Variants in ZXDC observed in about 807,000 individuals in gnomAD.
The protein encoded by ZXDC is ZXD family zinc finger C, also known as zinc finger protein ZXDC.
In ZXDC, 58 loss-of-function variants were observed where a neutral mutation model predicts 63.6. That is an observed-to-expected ratio of 0.91 (90% CI 0.74 to 1.13). The LOEUF (loss-of-function observed/expected upper bound fraction) is 1.13. ZXDC is among the 50% of genes most tolerant of loss of function. ZXDC has a pLI of 0.00. For synonymous variants in ZXDC, 561 were observed against 496.1 expected, an observed-to-expected ratio of 1.13 and a Z score of -1.74; for missense variants, 1,133 against 1,148.9, an observed-to-expected ratio of 0.99 and a Z score of 0.20.
At position 126,462,078 on chromosome 3, in the gene ZXDC, C is replaced by G. The variant is rs1934574498; in HGVS notation, c.1584G>C (p.Gly528=). 1.9e-6 allele frequency: 3 copies of G among 1,614,012 alleles called. No individual in the cohort carries two copies. The highest frequency in any genetic ancestry group is 1.7e-5 in the Admixed American group (1 of 60,010). ...TPANASGSAG[G]SDEALNSGIL... ...TTCCGGAGTTCAGAGCCTCATCCGA[C>G]CCACCTGCAGAACCACTAGCATTGG... The change falls in exon 6 of 10, where the codon GGG becomes GGC. Residue 528 remains glycine (G), a synonymous_variant. Transcript: ENST00000389709.
intron 7 of ZXDC, chr3:126,452,381 A>C: frequency 1.0e-6 from 1 of 985,414 alleles, no homozygotes; most frequent in Non-Finnish European, 1.2e-6. Context: ...CACGTCTGTC[A>C]GCCAAGCCTG....
chr3:126,460,673 G>T lies in ZXDC; in HGVS notation c.2127+862C>A, dbSNP rs992876620. The T allele has an allele frequency of 3.0e-6, 3 of 985,226 alleles. No homozygotes were observed. In the African/African-American group the frequency reaches 5.2e-5, roughly 17 times the overall value. 61.0% of individuals were successfully genotyped at this position (985,226 alleles called of 1,614,324 possible). On this transcript the variant is annotated intron_variant, in intron 6 of 9. Transcript: ENST00000389709. Reference sequence around the variant, plus strand: ...CGCCTAAGCAAATGCCGGCAAGCATGGCTCTGCCACCGACAAGCAAGACAC... The same window carrying T: ...CGCCTAAGCAAATGCCGGCAAGCATTGCTCTGCCACCGACAAGCAAGACAC...
Position 126,459,669 on chromosome 3 carries a change from T to A in ZXDC, c.2196A>T (p.Gly732=). The A allele has an allele frequency of 6.2e-7, 1 of 1,614,174 alleles. No homozygotes were observed. The stretch of plus-strand genomic sequence containing the variant: ...CGGCCTCACCTGCATTGCTCCCCGC[T>A]CCTCTCTGCTTTTTTTCCTTGGCTA... The part of the protein sequence containing the change: ...IQLAKEKKQR[G]AGSNAGASQS... The change falls in exon 7 of 10, where the codon GGA becomes GGT. Residue 732 remains glycine (G), a synonymous_variant. Coordinates refer to ENST00000389709, the MANE Select transcript of ZXDC (RefSeq NM_025112.5).
chr3:126,460,423 G>C, intron 6 of ZXDC: 1 of 969,950 alleles, frequency 1.0e-6, no homozygotes, highest in Non-Finnish European at 1.2e-6. Flanking sequence ...AAGCGAGGTA[G>C]CCCAACGTCA....
chr3:126,475,381 CG>C lies in ZXDC; in HGVS notation c.484del (p.Arg162AlafsTer98). On this transcript the variant is annotated frameshift_variant, in exon 1 of 10. Transcript: ENST00000389709. LOFTEE classifies it high-confidence loss of function. Reference sequence around the variant, plus strand: ...GGGGCCGGAGGCCTGGGGCGCGCGGCGGGGAGCGGCGGCGCCCGCGGTTGCG... The same window carrying C: ...GGGGCCGGAGGCCTGGGGCGCGCGGCGGGAGCGGCGGCGCCCGCGGTTGCG... Reference protein sequence around the residue: ...GPATAGAAAPRRAPQASGPST... With the variant: ...GPATAGAAAPXRAPQASGPST... 1 of 1,233,624 alleles carries C rather than the reference CG, an allele frequency of 8.1e-7. No homozygotes were observed. Among genetic ancestry groups the C allele is most frequent in the Non-Finnish European group, 1.0e-6 (1 of 984,616 alleles). The allele number at this position is 1,233,624 out of a possible 1,614,324, so 76.4% of individuals were successfully genotyped here.
chr3:126,472,389 T>C, intron 1 of ZXDC, 84 bp from the exon 2 acceptor site: 2 of 1,497,072 alleles, frequency 1.3e-6, no homozygotes, highest in South Asian at 1.2e-5. Flanking sequence ...CACCAGACCC[T>C]GTTCACACTG....
chr3:126,469,694 C>T (rs1002285566), intron 4 of ZXDC, among the ~76,000 whole-genome samples: 1 of 152,172 alleles, frequency 6.6e-6, no homozygotes, highest in Admixed American at 6.5e-5. Flanking sequence ...AACACCCACA[C>T]GCACGTGTCT....
At chr3:126,440,120 G>A (rs1292355485) in intron 8 of ZXDC, 6 of 1,025,834 alleles carry the variant, frequency 5.8e-6, no homozygotes, top group Non-Finnish European at 5.8e-6. Flanking sequence ...GCCCCACAGA[G>A]GGCCTTCCCT....
chr3:126,438,447 T>A lies in ZXDC; in HGVS notation c.2505A>T (p.Ser835=). The change falls in exon 10 of 10, where the codon TCA becomes TCT. Residue 835 remains serine (S), a synonymous_variant. Coordinates refer to ENST00000389709, the MANE Select transcript of ZXDC (RefSeq NM_025112.5). ...CCTCCGGTCCAGCAGGGCCTCCAGA[T>A]GAGGGGAGCACCTCCTGCAAAACCA... The part of the protein sequence containing the change: ...PVYVLQEVLP[S]SGGPAGPEAT... 1.9e-6 allele frequency: 3 copies of A among 1,613,688 alleles called. No homozygotes were observed. Among genetic ancestry groups the A allele is most frequent in the Non-Finnish European group, 2.5e-6 (3 of 1,179,820 alleles).
chr3:126,452,185 C>T, intron 7 of ZXDC: 1 of 985,432 alleles, frequency 1.0e-6, no homozygotes, highest in South Asian at 4.7e-5. Context: ...CCAGAACATG[C>T]TTTCAGCTGC....
Position 126,475,760 on chromosome 3 carries a change from CGGGGCTCGCGCCGAGCGGCGCT to C in ZXDC, c.84_105del (p.Ala29ArgfsTer88). 6.9e-6 allele frequency: 8 copies of C among 1,151,138 alleles called. No homozygotes were observed. The highest frequency in any genetic ancestry group is 8.5e-6 in the Non-Finnish European group (8 of 938,296). The allele number at this position is 1,151,138 out of a possible 1,614,324, so 71.3% of individuals were successfully genotyped here. On this transcript the variant is annotated frameshift_variant, in exon 1 of 10. Transcript: ENST00000389709. LOFTEE classifies it high-confidence loss of function. ...CGCACCAGTAGCAGGCGGCGGCGCG[CGGGGCTCGCGCCGAGCGGCGCT>C]GGGGCTCGGCGGAGCGGGCCGGGGC...
Position 126,475,552 on chromosome 3 carries a change from GC to G in ZXDC, c.313del (p.Ala105ArgfsTer19). On this transcript the variant is annotated frameshift_variant, in exon 1 of 10. Coordinates refer to ENST00000389709, the MANE Select transcript of ZXDC (RefSeq NM_025112.5). LOFTEE classifies it high-confidence loss of function. The part of the protein sequence containing the change: ...EAEPGSRVNL[A>X]SRPEQGPSGP... ...GCTGGGGCCCTGCTCGGGGCGGCTC[GC>G]CAGGTTGACACGGGAGCCAGGCTCG... 1 of 1,386,084 alleles carries G rather than the reference GC, an allele frequency of 7.2e-7. No individual in the cohort carries two copies. The highest frequency in any genetic ancestry group is 9.4e-7 in the Non-Finnish European group (1 of 1,067,978). The allele number at this position is 1,386,084 out of a possible 1,614,324, so 85.9% of individuals were successfully genotyped here. A position where few individuals can be genotyped will look rare whatever the true frequency, so the allele number is the denominator to read the frequency against.
intron 5 of ZXDC, among the ~76,000 whole-genome samples, chr3:126,463,403 G>C (rs989379508): frequency 3.9e-5 from 6 of 152,116 alleles, no homozygotes; most frequent in African/African-American, 1.4e-4. Context: ...TCTTCATCTG[G>C]AGTCTTAATT....
At chr3:126,448,650 G>A (rs1466598675) in intron 7 of ZXDC, among the ~76,000 whole-genome samples, 1 of 152,216 alleles carries the variant, frequency 6.6e-6, no homozygotes, top group Non-Finnish European at 1.5e-5. Flanking sequence ...CCCTAGGGCT[G>A]GAGGGACTAG....
chr3:126,459,469 T>A, intron 7 of ZXDC, 184 bp downstream of exon 7: 1 of 985,476 alleles, frequency 1.0e-6, no homozygotes, highest in Non-Finnish European at 1.2e-6. Context: ...ATACTGATGC[T>A]GGGAATTTTG....
chr3:126,454,477 T>G (rs986666661), intron 7 of ZXDC: 14 of 985,340 alleles, frequency 1.4e-5, no homozygotes, highest in Non-Finnish European at 7.2e-6. Context: ...TGCTTTGTGA[T>G]TTGCCTTTGC....
intron 7 of ZXDC, chr3:126,457,696 T>C (rs1377158102): frequency 1.2e-5 from 12 of 967,104 alleles, no homozygotes; most frequent in Non-Finnish European, 1.5e-5. Flanking sequence ...TTTATAGACA[T>C]GTCCCAGCTA....
intron 6 of ZXDC, chr3:126,460,445 A>T: frequency 1.0e-6 from 1 of 984,676 alleles, no homozygotes; most frequent in Non-Finnish European, 1.2e-6. Context: ...ACAGCTAGCA[A>T]GAAAATGAAC....
intron 1 of ZXDC, among the ~76,000 whole-genome samples, chr3:126,474,108 C>A (rs140447400): frequency 0.017 from 2,485 of 150,570 alleles, 77 homozygotes; most frequent in African/African-American, 0.057. Flanking sequence ...TCTGTCGCCC[C>A]GGCTGGAATG....
Sources: allele counts gnomAD v4.1 joint callset (sites outside exome capture counted in the v4.1 genomes callset), GRCh38; gene constraint gnomAD v4.1.1; transcripts MANE v1.5; gene names NCBI Gene and HGNC (gene_info 2026-07-23, HGNC 2026-07-21).